Variants in DMWD observed in about 807,000 individuals in gnomAD.
DMWD encodes DM1 locus, WD repeat containing, also known as dystrophia myotonica WD repeat-containing protein.
In DMWD, 19 loss-of-function variants were observed where a neutral mutation model predicts 45.8. That is an observed-to-expected ratio of 0.41 (90% CI 0.29 to 0.61). The LOEUF is 0.61. DMWD is among the 20% of genes least tolerant of loss of function. DMWD has a pLI of 0.25. For synonymous variants in DMWD, 515 were observed against 440.5 expected, an observed-to-expected ratio of 1.17 and a Z score of -2.12; for missense variants, 802 against 965.2, an observed-to-expected ratio of 0.83 and a Z score of 2.24.
In DMWD at chr19:45,786,304, C is replaced by T. The variant is rs775100126; in HGVS notation, c.1192G>A (p.Gly398Ser). 9.3e-6 allele frequency: 15 copies of T among 1,605,660 alleles called. No individual in the cohort carries two copies. Among genetic ancestry groups the T allele is most frequent in the Middle Eastern group, 1.7e-4 (1 of 6,052 alleles). The change falls in exon 3 of 5, where the codon GGC becomes AGC. Residue 398 changes from glycine (G) to serine (S), a missense_variant. Gly to Ser is a moderately conservative substitution (Grantham distance 56). Coordinates refer to ENST00000270223, the MANE Select transcript of DMWD (RefSeq NM_004943.2). Reference sequence around the variant, plus strand: ...TCGGGCTCCTCCTCCTCCTCTTCGCCGCTCCGCTCCCCATCAGCACCGGCT... The same window carrying T: ...TCGGGCTCCTCCTCCTCCTCTTCGCTGCTCCGCTCCCCATCAGCACCGGCT... ...TAAGADGERS[G>S]EEEEEEPEAA...
In DMWD at chr19:45,792,446, G is replaced by A. The variant is rs377106891; in HGVS notation, c.311C>T (p.Pro104Leu). 4.0e-6 allele frequency: 6 copies of A among 1,495,198 alleles called. No homozygotes were observed. In the East Asian group the frequency reaches 8.2e-5, roughly 20 times the overall value. The allele number at this position is 1,495,198 out of a possible 1,614,324, so 92.6% of individuals were successfully genotyped here. ...VRLSLVRLGE[P>L]DSAGAGEPPA... ...CGGCTCCCCGGCCCCGGCGCTGTCCGGCTCCCCGAGGCGCACGAGGCTGAG... is the reference window on the plus strand; with the variant it reads ...CGGCTCCCCGGCCCCGGCGCTGTCCAGCTCCCCGAGGCGCACGAGGCTGAG... Residue 104 changes from proline (P) to leucine (L), a missense_variant, in exon 1 of 5, where the codon CCG (proline) becomes CTG (leucine). Physicochemically the swap from Pro to Leu is moderately conservative, Grantham distance 98. This residue lies in a region of DMWD where 82 missense variants were observed against 92.9 expected (regional missense o/e 0.88). Coordinates refer to ENST00000270223, the MANE Select transcript of DMWD (RefSeq NM_004943.2).
At chr19:45,787,437 C>A (rs1382976014) in intron 2 of DMWD, among the ~76,000 whole-genome samples, 1 of 152,160 alleles carries the variant, frequency 6.6e-6, no homozygotes, top group African/African-American at 2.4e-5. Context: ...AACCATCCCC[C>A]CAACAGTCTG....
chr19:45,792,543 CG>C lies in DMWD; in HGVS notation c.213del (p.Gly72AlafsTer139). Reference sequence around the variant, plus strand: ...GGGGACGACGCGGGGCCTGCAGCGCCGGGACCGGAGGCGGAGGCAGGGCCGG... The same window carrying C: ...GGGGACGACGCGGGGCCTGCAGCGCCGGACCGGAGGCGGAGGCAGGGCCGG... ...PPPGPASASG[P>X]GAAGPASSPP... is the part of the protein sequence containing the mutation. On this transcript the variant is annotated frameshift_variant, in exon 1 of 5. Coordinates refer to ENST00000270223, the MANE Select transcript of DMWD (RefSeq NM_004943.2). LOFTEE classifies it high-confidence loss of function. 8.6e-7 allele frequency: 1 copy of C among 1,164,018 alleles called. No individual in the cohort carries two copies. Among genetic ancestry groups the C allele is most frequent in the East Asian group, 4.5e-5 (1 of 22,364 alleles). 72.1% of individuals were successfully genotyped at this position (1,164,018 alleles called of 1,614,324 possible).
chr19:45,787,108 A>G, intron 2 of DMWD: 1 of 679,754 alleles, frequency 1.5e-6, no homozygotes, highest in South Asian at 1.9e-5. Context: ...GGGTGCTCCA[A>G]GGAGCCTCGA....
In DMWD at chr19:45,786,146, G is replaced by T. The variant is rs764076714; in HGVS notation, c.1350C>A (p.Leu450=). ...FCLWDLTEDV[L]YPHPPLARTR... ...TGCGGGCCAGGGGGGGGTGCGGGTAGAGCACGTCTTCAGTGAGGTCCCACA... is the reference window on the plus strand; with the variant it reads ...TGCGGGCCAGGGGGGGGTGCGGGTATAGCACGTCTTCAGTGAGGTCCCACA... The change falls in exon 3 of 5, where the codon CTC becomes CTA. Residue 450 remains leucine (L), a synonymous_variant. Transcript: ENST00000270223. The T allele has an allele frequency of 6.4e-7, 1 of 1,556,614 alleles. No individual in the cohort carries two copies. Among genetic ancestry groups the T allele is most frequent in the African/African-American group, 1.4e-5 (1 of 73,888 alleles).
At chr19:45,791,189 C>T (rs1055332105) in intron 1 of DMWD, 102 bp from the exon 2 acceptor site, 4 of 1,267,128 alleles carry the variant, frequency 3.2e-6, no homozygotes, top group East Asian at 2.4e-5. Context: ...AGGGTTAGAA[C>T]CCAGAGGGAA....
Position 45,783,960 on chromosome 19 carries a change from A to G in DMWD, c.*283T>C, listed in dbSNP as rs893057101. On this transcript the variant is annotated 3_prime_UTR_variant, in exon 5 of 5. Coordinates refer to ENST00000270223, the MANE Select transcript of DMWD (RefSeq NM_004943.2). ...GGGGAGTCTCTCCCCAGGAGTGACC[A>G]GTCACATGCTGGGGACAGGGATGAG... 1.7e-5 allele frequency: 10 copies of G among 592,364 alleles called. No homozygotes were observed. The African/African-American group carries it at 1.8e-4, about 10-fold the overall frequency. 36.7% of individuals were successfully genotyped at this position (592,364 alleles called of 1,614,324 possible).
At position 45,783,730 on chromosome 19, in the gene DMWD, T is replaced by C. The variant is rs998742714; in HGVS notation, c.*513A>G. 9.0e-6 allele frequency: 4 copies of C among 444,576 alleles called. No homozygotes were observed. Among genetic ancestry groups the C allele is most frequent in the African/African-American group, 8.2e-5 (4 of 48,780 alleles). 27.5% of individuals were successfully genotyped at this position (444,576 alleles called of 1,614,324 possible). ...TCTCCTCCGAAGGGGACAGACCCGC[T>C]GAGAAAACAGGGAACTTTAGTATAA... On this transcript the variant is annotated 3_prime_UTR_variant, in exon 5 of 5. Transcript: ENST00000270223.
In DMWD at chr19:45,784,074, C is replaced by G. The variant is rs895946313; in HGVS notation, c.*169G>C. On this transcript the variant is annotated 3_prime_UTR_variant, in exon 5 of 5. Coordinates refer to ENST00000270223, the MANE Select transcript of DMWD (RefSeq NM_004943.2). ...AGGCCACAAGGGCTATTACATCGCC[C>G]GTGTCCGGGCCAGTCTGGGGGGCCC... 1 of 669,340 alleles carries G rather than the reference C, an allele frequency of 1.5e-6. No homozygotes were observed. Among genetic ancestry groups the G allele is most frequent in the Non-Finnish European group, 2.7e-6 (1 of 374,654 alleles). 41.5% of individuals were successfully genotyped at this position (669,340 alleles called of 1,614,324 possible).
chr19:45,787,709 C>T (rs866681853), intron 2 of DMWD, among the ~76,000 whole-genome samples: 19 of 152,222 alleles, frequency 1.2e-4, no homozygotes, highest in Admixed American at 3.3e-4. Context: ...CAAAAAACCT[C>T]GGCATCTGCC....
intron 1 of DMWD, among the ~76,000 whole-genome samples, chr19:45,791,499 A>G (rs1970356509): frequency 6.6e-6 from 1 of 151,988 alleles, no homozygotes; most frequent in South Asian, 2.1e-4. Flanking sequence ...AGGTCACCCA[A>G]ATTTCCAGGA....
At chr19:45,789,207 C>T (rs1229149397) in intron 2 of DMWD, 1 of 152,188 alleles carries the variant, frequency 6.6e-6, no homozygotes. Flanking sequence ...ATGTGATATC[C>T]CTAGTGCTGG....
At position 45,790,959 on chromosome 19, in the gene DMWD, T is replaced by C. The variant is rs780192198; in HGVS notation, c.570A>G (p.Gln190=). Residue 190 remains glutamine (Q), a synonymous_variant, in exon 2 of 5, where the codon CAA becomes CAG. Coordinates refer to ENST00000270223, the MANE Select transcript of DMWD (RefSeq NM_004943.2). ...TTTTGATGAGATCCAGGTACTGCAC[T>C]TGACCCGCTGAGAAGCCCACCAGCA... ...ISLLVGFSAG[Q]VQYLDLIKKD... 12 of 1,613,632 alleles carry C rather than the reference T, an allele frequency of 7.4e-6. No individual in the cohort carries two copies. In the East Asian group the frequency reaches 1.1e-4, roughly 15 times the overall value.
Position 45,785,594 on chromosome 19 carries a change from C to G in DMWD, c.1902G>C (p.Ala634=). ...GGCAGGCTGGTGTGGGGCCACTCAC[C>G]GCCTTGCCCGGCCGGGCCCAGGTGC... ...LICTWARPGK[A]FTDEETEAQT... Residue 634 remains alanine, a splice_region_variant and synonymous_variant, in exon 3 of 5, where the codon GCG becomes GCC. Coordinates refer to ENST00000270223, the MANE Select transcript of DMWD (RefSeq NM_004943.2). The G allele has an allele frequency of 6.7e-7, 1 of 1,483,684 alleles. No individual in the cohort carries two copies. The highest frequency in any genetic ancestry group is 9.0e-7 in the Non-Finnish European group (1 of 1,115,000). The allele number at this position is 1,483,684 out of a possible 1,614,324, so 91.9% of individuals were successfully genotyped here. A position where few individuals can be genotyped will look rare whatever the true frequency, so the allele number is the denominator to read the frequency against.
In DMWD at chr19:45,786,480, C is replaced by T. The variant is rs1970280494; in HGVS notation, c.1016G>A (p.Arg339His). The T allele has an allele frequency of 1.9e-6, 3 of 1,612,820 alleles. No homozygotes were observed. Among genetic ancestry groups the T allele is most frequent in the East Asian group, 2.2e-5 (1 of 44,824 alleles). Reference sequence around the variant, plus strand: ...ATCTTCGCCACCCGTCACCACGTAGCGGCCGTCAGGGCTCCAGCACACACA... The same window carrying T: ...ATCTTCGCCACCCGTCACCACGTAGTGGCCGTCAGGGCTCCAGCACACACA... ...LLCVCWSPDG[R>H]YVVTGGEDDL... Residue 339 changes from arginine (R) to histidine (H), a missense_variant, in exon 3 of 5, where the codon CGC becomes CAC. Transcript: ENST00000270223.
At position 45,786,094 on chromosome 19, in the gene DMWD, T is replaced by G. The variant is rs1428583546; in HGVS notation, c.1402A>C (p.Thr468Pro). 2 of 1,520,224 alleles carry G rather than the reference T, an allele frequency of 1.3e-6. No individual in the cohort carries two copies. The highest frequency in any genetic ancestry group is 1.8e-6 in the Non-Finnish European group (2 of 1,132,764). 94.2% of individuals were successfully genotyped at this position (1,520,224 alleles called of 1,614,324 possible). ...GAGCTGCTGGCGGCCGGTGGCGTGGTGCCAGGTGTGCCAGGGAGGGTGCGG... is the reference window on the plus strand; with the variant it reads ...GAGCTGCTGGCGGCCGGTGGCGTGGGGCCAGGTGTGCCAGGGAGGGTGCGG... The part of the protein sequence containing the change: ...RTRTLPGTPG[T>P]TPPAASSSRG... The change falls in exon 3 of 5, where the codon ACC becomes CCC. Residue 468 changes from threonine to proline, a missense_variant. This residue lies in a region of DMWD where 303 missense variants were observed against 332.9 expected (regional missense o/e 0.91). Coordinates refer to ENST00000270223, the MANE Select transcript of DMWD (RefSeq NM_004943.2).
intron 2 of DMWD, 87 bp downstream of exon 2, chr19:45,790,818 A>T: frequency 1.4e-6 from 2 of 1,473,730 alleles, no homozygotes; most frequent in Non-Finnish European, 1.8e-6. Context: ...TCAGGCCTAC[A>T]CTGTTCCGCA....
At position 45,792,478 on chromosome 19, in the gene DMWD, G is replaced by A; in HGVS notation, c.279C>T (p.Ala93=). The A allele has an allele frequency of 1.6e-6, 2 of 1,222,112 alleles. No individual in the cohort carries two copies. Among genetic ancestry groups the A allele is most frequent in the Non-Finnish European group, 1.0e-6 (1 of 976,072 alleles). 75.7% of individuals were successfully genotyped at this position (1,222,112 alleles called of 1,614,324 possible). A position where few individuals can be genotyped will look rare whatever the true frequency, so the allele number is the denominator to read the frequency against. The change falls in exon 1 of 5, where the codon GCC becomes GCT. Residue 93 remains alanine, a synonymous_variant. Transcript: ENST00000270223. The part of the protein sequence containing the change: ...AGPGPGPALP[A]VRLSLVRLGE... Reference sequence around the variant, plus strand: ...CGAGGCGCACGAGGCTGAGGCGCACGGCGGGCAGGGCGGGCCCGGGTCCGG... The same window carrying A: ...CGAGGCGCACGAGGCTGAGGCGCACAGCGGGCAGGGCGGGCCCGGGTCCGG...
intron 3 of DMWD, chr19:45,785,332 TCA>T: frequency 8.2e-7 from 1 of 1,216,164 alleles, no homozygotes; most frequent in Non-Finnish European, 1.0e-6. Context: ...CTGCTGCCCT[TCA>T]GACGGCCAGC....
Sources: allele counts gnomAD v4.1 joint callset (sites outside exome capture counted in the v4.1 genomes callset), GRCh38; gene constraint gnomAD v4.1.1; regional missense constraint gnomAD v4.1.1; transcripts MANE v1.5; gene names NCBI Gene and HGNC (gene_info 2026-07-23, HGNC 2026-07-21).